Variants in SP140 observed in about 807,000 individuals in gnomAD.
SP140 encodes the protein nuclear body protein SP140.
SP140 carries 81 observed loss-of-function variants against 125.0 expected under a neutral mutation model. The observed-to-expected ratio is 0.65, with a 90% CI of 0.54 to 0.78. SP140 has a LOEUF of 0.78. SP140 is among the 30% of genes least tolerant of loss of function. SP140 has a pLI of 0.00. For missense variants in SP140, 858 were observed against 1,037.0 expected (o/e 0.83, Z 2.37); for synonymous variants, 312 against 354.0 (o/e 0.88, Z 1.33).
chr2:230,252,544 G>T lies in SP140; in HGVS notation c.1058-772G>T, dbSNP rs537823002. Among the ~76,000 whole-genome samples, 7 of 152,186 alleles carry T rather than the reference G, an allele frequency of 4.6e-5. No individual in the cohort carries two copies. The South Asian group carries it at 1.5e-3, about 32-fold the overall frequency. On this transcript the variant is annotated intron_variant, in intron 10 of 26. Transcript: ENST00000392045. ...AGAAACAGAAGAAGCAGAGACATGTGTCAAGCATGAAAATGAGAGTGCCAA... is the reference window on the plus strand; with the variant it reads ...AGAAACAGAAGAAGCAGAGACATGTTTCAAGCATGAAAATGAGAGTGCCAA...
chr2:230,257,814 A>G (rs2051493341), intron 12 of SP140, among the ~76,000 whole-genome samples: 1 of 152,088 alleles, frequency 6.6e-6, no homozygotes, highest in East Asian at 1.9e-4. Context: ...ATCAAACGAA[A>G]GGCTGAATTT....
chr2:230,239,398 GT>G (rs1167612215), intron 3 of SP140, among the ~76,000 whole-genome samples: 2 of 152,114 alleles, frequency 1.3e-5, no homozygotes, highest in African/African-American at 2.4e-5. Flanking sequence ...TATGTAAATA[GT>G]TGTTAAATTG....
chr2:230,247,836 A>G, intron 7 of SP140, 80 bp from the exon 8 acceptor site: 1 of 1,444,150 alleles, frequency 6.9e-7, no homozygotes. Flanking sequence ...GTTTCACTAC[A>G]ATCTCCATCA....
upstream of SP140, chr2:230,221,730 A>G: frequency 6.5e-7 from 1 of 1,536,076 alleles, no homozygotes; most frequent in Non-Finnish European, 8.7e-7. Flanking sequence ...ATCACCTGGA[A>G]AGCCCCTTCA....
At chr2:230,230,717 G>T (rs2047118288) in intron 1 of SP140, among the ~76,000 whole-genome samples, 1 of 152,166 alleles carries the variant, frequency 6.6e-6, no homozygotes, top group Non-Finnish European at 1.5e-5. Context: ...GTTTCAATAT[G>T]TCTAAGTCTA....
the SP140 span, among the ~76,000 whole-genome samples, chr2:230,186,735 C>G: frequency 6.6e-6 from 1 of 152,142 alleles, no homozygotes; most frequent in Non-Finnish European, 1.5e-5. Context: ...TAGCTCCCAC[C>G]TATAAGTGAG....
upstream of SP140, among the ~76,000 whole-genome samples, chr2:230,222,425 T>C (rs1273889646): frequency 1.3e-5 from 2 of 152,172 alleles, no homozygotes; most frequent in African/African-American, 4.8e-5. Context: ...AGTCAAGATG[T>C]AGACCATTTC....
intron 22 of SP140, among the ~76,000 whole-genome samples, chr2:230,299,837 C>T (rs967432094): frequency 5.9e-5 from 9 of 152,230 alleles, no homozygotes; most frequent in East Asian, 3.9e-4. Flanking sequence ...CTGTCACTGC[C>T]GGCTTCCCTT....
chr2:230,260,441 G>C (rs935473321), intron 12 of SP140, among the ~76,000 whole-genome samples: 3 of 152,144 alleles, frequency 2.0e-5, no homozygotes, highest in African/African-American at 7.2e-5. Context: ...AAGCTCTTAG[G>C]TTTAATTAAG....
At chr2:230,316,555 A>C (rs2059485934), downstream of SP140, among the ~76,000 whole-genome samples, 1 of 152,234 alleles carries the variant, frequency 6.6e-6, no homozygotes, top group African/African-American at 2.4e-5. Flanking sequence ...CACATCAATA[A>C]ATACAGCTCT....
chr2:230,197,350 A>G, the SP140 span, among the ~76,000 whole-genome samples: 2 of 151,264 alleles, frequency 1.3e-5, no homozygotes, highest in Non-Finnish European at 2.9e-5. Context: ...TCTTTTGAGA[A>G]GTGTCTGTTC....
chr2:230,208,318 T>G (rs41553213), intron 1 of SP140, among the ~76,000 whole-genome samples: 1 of 152,078 alleles, frequency 6.6e-6, no homozygotes, highest in East Asian at 1.9e-4. Context: ...AGGAGAGAGA[T>G]ATGGAAGTAG....
chr2:230,216,847 T>TA lies in SP140; in HGVS notation c.-91+2774dup. On this transcript the variant is annotated intron_variant, in intron 3 of 4. Coordinates refer to the SP140 transcript ENST00000456542. Reference sequence around the variant, plus strand: ...CTTCAAAGAAGGGAAATGGCTTGTGTATGGCATAGGCGATCCCCAGCTTCT... The same window carrying TA: ...CTTCAAAGAAGGGAAATGGCTTGTGTAATGGCATAGGCGATCCCCAGCTTCT... The TA allele has an allele frequency of 6.2e-7, 1 of 1,614,108 alleles. No individual in the cohort carries two copies. Among genetic ancestry groups the TA allele is most frequent in the Non-Finnish European group, 8.5e-7 (1 of 1,179,978 alleles).
In SP140 at chr2:230,216,854, T is replaced by C. The variant is rs929296692; in HGVS notation, c.-91+2780T>C. The C allele has an allele frequency of 4.3e-6, 7 of 1,613,974 alleles. No individual in the cohort carries two copies. In the African/African-American group the frequency reaches 8.0e-5, roughly 18 times the overall value. On this transcript the variant is annotated intron_variant, in intron 3 of 4. Coordinates refer to the SP140 transcript ENST00000456542. ...GAAGGGAAATGGCTTGTGTATGGCA[T>C]AGGCGATCCCCAGCTTCTGGTGCAT...
At chr2:230,298,023 A>G (rs2057922779) in intron 22 of SP140, among the ~76,000 whole-genome samples, 2 of 152,118 alleles carry the variant, frequency 1.3e-5, no homozygotes, top group South Asian at 4.1e-4. Context: ...GCTCATTTGG[A>G]TGGTTTCAGG....
At chr2:230,279,737 C>A (rs1411821442) in intron 15 of SP140, among the ~76,000 whole-genome samples, 4 of 152,082 alleles carry the variant, frequency 2.6e-5, no homozygotes, top group Admixed American at 1.3e-4. Context: ...CCAAAGTCCA[C>A]TTGCATTCTT....
chr2:230,219,809 G>T, intron 3 of SP140: 1 of 575,844 alleles, frequency 1.7e-6, no homozygotes, highest in Non-Finnish European at 2.2e-6. Flanking sequence ...CTGCTGCCGC[G>T]AAGTTAACTC....
chr2:230,201,880 T>C (rs1414697599), upstream of SP140, among the ~76,000 whole-genome samples: 1 of 152,224 alleles, frequency 6.6e-6, no homozygotes, highest in Non-Finnish European at 1.5e-5. Context: ...ACTTGTTGAG[T>C]GTTGGTGTAG....
chr2:230,285,618 G>A, intron 16 of SP140, 134 bp from the exon 17 acceptor site: 2 of 714,016 alleles, frequency 2.8e-6, no homozygotes, highest in Non-Finnish European at 4.9e-6. Context: ...ACTCCCAAAA[G>A]CAAAAAATGC....
Sources: gnomAD v4.1 joint callset for allele counts (sites outside exome capture counted in the v4.1 genomes callset) on GRCh38, gnomAD v4.1.1 for gene constraint, MANE v1.5 for transcripts, NCBI Gene and HGNC (gene_info 2026-07-23, HGNC 2026-07-21) for gene names.